Variants in ESR1 observed in about 807,000 individuals in gnomAD.
The protein encoded by ESR1 is estrogen receptor.
Under a neutral mutation model 52.7 loss-of-function variants are expected in ESR1, and 12 were observed. The observed-to-expected ratio is 0.23, with a 90% CI of 0.15 to 0.37. ESR1 has a LOEUF of 0.37. Among genes scored for constraint, ESR1 ranks in the 10% least tolerant of loss-of-function variants. ESR1 has a pLI of 1.00. For synonymous variants in ESR1, 305 were observed against 316.8 expected (o/e 0.96, Z 0.39); for missense variants, 584 against 779.7 (o/e 0.75, Z 2.99).
intron 2 of ESR1, among the ~76,000 whole-genome samples, chr6:151,755,149 G>T (rs536876187): frequency 1.6e-4 from 24 of 150,790 alleles, no homozygotes; most frequent in Non-Finnish European, 3.2e-4. Context: ...AGTTGATTCT[G>T]CAGTAAGCTA....
At chr6:152,029,828 A>T (rs927736158) in intron 5 of ESR1, among the ~76,000 whole-genome samples, 5 of 152,208 alleles carry the variant, frequency 3.3e-5, no homozygotes, top group African/African-American at 4.8e-5. Flanking sequence ...CAACTCCAAG[A>T]CACATAATTG....
At chr6:152,035,791 C>T (rs1056691420) in intron 5 of ESR1, among the ~76,000 whole-genome samples, 26 of 152,086 alleles carry the variant, frequency 1.7e-4, no homozygotes, top group Non-Finnish European at 3.5e-4. Context: ...TATATCAGAA[C>T]GAGCATTGAG....
chr6:151,808,350 G>T lies in ESR1; in HGVS notation c.438G>T (p.Pro146=). 1 of 1,442,328 alleles carries T rather than the reference G, an allele frequency of 6.9e-7. No individual in the cohort carries two copies. The highest frequency in any genetic ancestry group is 9.1e-7 in the Non-Finnish European group (1 of 1,093,460). 89.3% of individuals were successfully genotyped at this position (1,442,328 alleles called of 1,614,324 possible). A position where few individuals can be genotyped will look rare whatever the true frequency, so the allele number is the denominator to read the frequency against. The change falls in exon 1 of 8, where the codon CCG becomes CCT. Residue 146 remains proline, a synonymous_variant. Transcript: ENST00000206249. ...PSGYTVREAG[P]PAFYRPNSDN... The stretch of plus-strand genomic sequence containing the variant: ...GCTACACGGTGCGCGAGGCCGGCCC[G>T]CCGGCATTCTACAGGTACCCGCGCC...
At chr6:152,103,644 C>T (rs1350675837), downstream of ESR1, among the ~76,000 whole-genome samples, 1 of 152,126 alleles carries the variant, frequency 6.6e-6, no homozygotes, top group Non-Finnish European at 1.5e-5. Flanking sequence ...TAATGCCTGG[C>T]CCAAATCCTT....
chr6:151,704,132 A>G (rs1780002204), intron 2 of ESR1, among the ~76,000 whole-genome samples: 1 of 152,260 alleles, frequency 6.6e-6, no homozygotes, highest in African/African-American at 2.4e-5. Context: ...TGTAAAATGT[A>G]TGTTGATAGG....
At chr6:151,713,489 G>A (rs13216081) in intron 2 of ESR1, among the ~76,000 whole-genome samples, 35,432 of 152,008 alleles carry the variant, frequency 0.23, 4,267 homozygotes, top group Non-Finnish European at 0.25. Flanking sequence ...TGGTTGGTAG[G>A]CTATTAATTC....
intron 3 of ESR1, among the ~76,000 whole-genome samples, chr6:151,888,146 CA>C (rs1346355754): frequency 1.3e-5 from 2 of 152,050 alleles, no homozygotes. Context: ...TTTGGCTATT[CA>C]GGGTTTTTTT....
In ESR1 at chr6:151,969,445, G is replaced by A. The variant is rs527599740; in HGVS notation, c.1096+24937G>A. Among the ~76,000 whole-genome samples, 81 of 152,280 alleles carry A rather than the reference G, an allele frequency of 5.3e-4. 1 individual carries two copies. The highest frequency in any genetic ancestry group is 1.9e-3 in the African/African-American group (77 of 41,560). ...AGCCATTGAGATGTAGAGCAAGCAAGTGCCCTTTTGAGGGAATGTGTGTGT... is the reference window on the plus strand; with the variant it reads ...AGCCATTGAGATGTAGAGCAAGCAAATGCCCTTTTGAGGGAATGTGTGTGT... On this transcript the variant is annotated intron_variant, in intron 4 of 7. Coordinates refer to ENST00000206249, the MANE Select transcript of ESR1 (RefSeq NM_000125.4).
intron 5 of ESR1, among the ~76,000 whole-genome samples, chr6:152,034,540 T>C (rs1335517271): frequency 6.6e-6 from 1 of 152,192 alleles, no homozygotes; most frequent in Non-Finnish European, 1.5e-5. Context: ...TTTTTCCTTT[T>C]TTAGAAATTC....
At chr6:151,717,953 G>A (rs1234699869) in intron 2 of ESR1, among the ~76,000 whole-genome samples, 1 of 152,110 alleles carries the variant, frequency 6.6e-6, no homozygotes, top group South Asian at 2.1e-4. Flanking sequence ...GTGTGGAGGA[G>A]CTCTTTGTTG....
upstream of ESR1, among the ~76,000 whole-genome samples, chr6:151,806,798 TA>T (rs1341136749): frequency 6.6e-6 from 1 of 152,010 alleles, no homozygotes; most frequent in African/African-American, 2.4e-5. Flanking sequence ...GACCTGAGGT[TA>T]TGTTTGGTAT....
chr6:151,700,403 T>G (rs1274232145), intron 1 of ESR1, among the ~76,000 whole-genome samples: 2 of 152,236 alleles, frequency 1.3e-5, no homozygotes, highest in Non-Finnish European at 2.9e-5. Context: ...CTGTACCTCC[T>G]TAACTTTAGT....
rs147373869 is a variant in ESR1 at position 151,944,243 on chromosome 6, G to A, written c.831G>A (p.Arg277=). ...GCCAGAGAGATGATGGGGAGGGCAG[G>A]GGTGAAGTGGGGTCTGCTGGAGACA... is the stretch of plus-strand genomic sequence containing the variant. The part of the protein sequence containing the change: ...HKRQRDDGEG[R]GEVGSAGDMR... The change falls in exon 4 of 8, where the codon AGG becomes AGA. Residue 277 remains arginine (R), a synonymous_variant. Transcript: ENST00000206249. 30 of 1,614,062 alleles carry A rather than the reference G, an allele frequency of 1.9e-5. No individual in the cohort carries two copies. The highest frequency in any genetic ancestry group is 2.5e-5 in the Non-Finnish European group (29 of 1,180,032).
At chr6:151,824,427 G>A (rs1038687036) in intron 1 of ESR1, among the ~76,000 whole-genome samples, 2 of 152,134 alleles carry the variant, frequency 1.3e-5, no homozygotes, top group Admixed American at 6.5e-5. Flanking sequence ...TAGGTTGCCT[G>A]TTCACTCTGA....
At chr6:152,025,120 GA>G (rs1276539171) in intron 5 of ESR1, among the ~76,000 whole-genome samples, 1 of 151,046 alleles carries the variant, frequency 6.6e-6, no homozygotes, top group Non-Finnish European at 1.5e-5. Context: ...CTTTTAATAG[GA>G]ATGAAGGTTA....
chr6:151,659,975 G>T (rs1242761148), intron 1 of ESR1, among the ~76,000 whole-genome samples: 4 of 152,122 alleles, frequency 2.6e-5, no homozygotes, highest in Non-Finnish European at 5.9e-5. Context: ...ATGGTAAAAA[G>T]AACACAGGAA....
chr6:152,033,793 G>A (rs1343205541), intron 5 of ESR1, among the ~76,000 whole-genome samples: 6 of 151,962 alleles, frequency 3.9e-5, no homozygotes, highest in Admixed American at 6.6e-5. Context: ...CCCATTACTG[G>A]GTATATACCC....
At chr6:151,923,440 A>G (rs952643276) in intron 3 of ESR1, among the ~76,000 whole-genome samples, 9 of 152,206 alleles carry the variant, frequency 5.9e-5, no homozygotes, top group African/African-American at 1.7e-4. Context: ...GTAGCATAGA[A>G]TAGTTTCTCT....
At chr6:151,686,656 C>G (rs541120532), upstream of ESR1, among the ~76,000 whole-genome samples, 1 of 152,054 alleles carries the variant, frequency 6.6e-6, no homozygotes, top group Non-Finnish European at 1.5e-5. Flanking sequence ...CCACTGCACT[C>G]CAGCCTGGGT....
Sources: allele counts gnomAD v4.1 joint callset (sites outside exome capture counted in the v4.1 genomes callset), GRCh38; gene constraint gnomAD v4.1.1; transcripts MANE v1.5; gene names NCBI Gene and HGNC (gene_info 2026-07-23, HGNC 2026-07-21).